The following NTM variants were observed in gnomAD, a reference collection of about 807,000 sequenced individuals.
NTM encodes IgLON family member 2.
Under a neutral mutation model 42.1 loss-of-function variants are expected in NTM, and 13 were observed. The observed-to-expected ratio is 0.31, with a 90% CI of 0.20 to 0.49. The LOEUF is 0.49. Ranked by LOEUF, NTM falls within the 20% of genes least tolerant of loss-of-function variation. The pLI, the probability that NTM is intolerant of heterozygous loss-of-function variation, is 0.99. For synonymous variants in NTM, 187 were observed against 179.2 expected, an observed-to-expected ratio of 1.04 and a Z score of -0.35; for missense variants, 373 against 452.8, an observed-to-expected ratio of 0.82 and a Z score of 1.60.
At chr11:131,813,328 G>A (rs1457980003) in intron 1 of NTM, among the ~76,000 whole-genome samples, 1 of 152,102 alleles carries the variant, frequency 6.6e-6, no homozygotes, top group East Asian at 1.9e-4. Flanking sequence ...TATCTAGTAA[G>A]AACCTACTAA....
chr11:132,194,385 T>A (rs2079830031), intron 3 of NTM, among the ~76,000 whole-genome samples: 1 of 152,024 alleles, frequency 6.6e-6, no homozygotes, highest in African/African-American at 2.4e-5. Context: ...TCTCAATAAA[T>A]GCTGAAAAGG....
chr11:132,309,209 C>T (rs889528681), intron 5 of NTM, among the ~76,000 whole-genome samples: 3 of 152,088 alleles, frequency 2.0e-5, no homozygotes, highest in Admixed American at 2.0e-4. Context: ...TTTCATAATA[C>T]CCTTTAATAT....
chr11:132,111,428 C>A (rs1266834744), intron 2 of NTM, among the ~76,000 whole-genome samples: 4 of 152,066 alleles, frequency 2.6e-5, no homozygotes, highest in African/African-American at 7.2e-5. Flanking sequence ...GATAAGTGAA[C>A]AGAAGGGATC....
At chr11:131,453,154 A>C (rs544881526) in intron 1 of NTM, among the ~76,000 whole-genome samples, 10 of 152,328 alleles carry the variant, frequency 6.6e-5, no homozygotes, top group African/African-American at 2.2e-4. Context: ...GGTTGAGGAC[A>C]GGGATTCAGA....
In NTM at chr11:132,242,380, A is replaced by G. The variant is rs143084977; in HGVS notation, c.526+30233A>G. ...AAGCTTCTCAATTTGTGAAGAAAAA[A>G]TGTTACATTTAGGGGAAAAAAGGGG... On this transcript the variant is annotated intron_variant, in intron 4 of 8. Coordinates refer to ENST00000683400, the MANE Select transcript of NTM (RefSeq NM_001352005.2). 4.0e-3 allele frequency among the ~76,000 whole-genome samples: 602 copies of G among 152,320 alleles called. 20 individuals carry two copies. The highest frequency in any genetic ancestry group is 0.034 in the Admixed American group (523 of 15,296).
chr11:132,317,406 T>C (rs1329772227), intron 7 of NTM, among the ~76,000 whole-genome samples: 1 of 152,142 alleles, frequency 6.6e-6, no homozygotes, highest in Admixed American at 6.6e-5. Flanking sequence ...CACCAGAATA[T>C]GTATGGCGTA....
At chr11:131,808,969 C>T (rs1357626292) in intron 1 of NTM, among the ~76,000 whole-genome samples, 1 of 152,216 alleles carries the variant, frequency 6.6e-6, no homozygotes, top group Non-Finnish European at 1.5e-5. Flanking sequence ...ATCACACCTA[C>T]CTAGCAATGC....
intron 1 of NTM, among the ~76,000 whole-genome samples, chr11:131,848,606 A>G (rs1282938654): frequency 6.6e-6 from 1 of 152,206 alleles, no homozygotes; most frequent in Non-Finnish European, 1.5e-5. Flanking sequence ...ACCTTTGATG[A>G]TGGCATTAAA....
intron 3 of NTM, among the ~76,000 whole-genome samples, chr11:132,192,740 G>A (rs2079513170): frequency 6.6e-6 from 1 of 152,118 alleles, no homozygotes; most frequent in Non-Finnish European, 1.5e-5. Context: ...CCAACAGTCT[G>A]CTGCCGTTGA....
chr11:131,438,569 G>A (rs1349316645), intron 1 of NTM, among the ~76,000 whole-genome samples: 2 of 152,098 alleles, frequency 1.3e-5, no homozygotes, highest in Non-Finnish European at 2.9e-5. Flanking sequence ...CCACTTGATC[G>A]AATCGGCTGT....
chr11:131,615,669 CGTAG>C (rs920272700), intron 1 of NTM, among the ~76,000 whole-genome samples: 1 of 152,154 alleles, frequency 6.6e-6, no homozygotes, highest in African/African-American at 2.4e-5. Context: ...CGCACCCGGC[CGTAG>C]CAAGTTCTTA....
chr11:131,615,108 T>G (rs2061794958), intron 1 of NTM, among the ~76,000 whole-genome samples: 1 of 152,190 alleles, frequency 6.6e-6, no homozygotes, highest in African/African-American at 2.4e-5. Flanking sequence ...TATTCTATCT[T>G]AATCAAGGCA....
chr11:132,281,814 A>G (rs2093980320), intron 4 of NTM, among the ~76,000 whole-genome samples: 1 of 152,238 alleles, frequency 6.6e-6, no homozygotes, highest in Admixed American at 6.5e-5. Context: ...AGTTATGAGT[A>G]CTATCAAAAA....
At chr11:132,169,320 C>CTTTTTTTTTT (rs567723794) in intron 3 of NTM, among the ~76,000 whole-genome samples, 503 of 32,384 alleles carry the variant, frequency 0.016, 176 homozygotes, top group Non-Finnish European at 0.02. Flanking sequence ...AATTTTTTTA[C>CTTTTTTTTTT]TTTTTTTTTT....
rs140797898 is a variant in NTM at position 131,982,316 on chromosome 11, C to T, written c.167+70668C>T. On this transcript the variant is annotated intron_variant, in intron 2 of 8. Coordinates refer to ENST00000683400, the MANE Select transcript of NTM (RefSeq NM_001352005.2). ...TCCCCAGTGTGGGGTTTCTTTGTTA[C>T]GAAGATCAAGAGAAGGCATAGGGAA... Among the ~76,000 whole-genome samples, 43 of 151,568 alleles carry T rather than the reference C, an allele frequency of 2.8e-4. 1 individual carries two copies. The highest frequency in any genetic ancestry group is 9.8e-4 in the Admixed American group (15 of 15,236).
intron 1 of NTM, among the ~76,000 whole-genome samples, chr11:131,634,379 G>C (rs2064099738): frequency 7.4e-6 from 1 of 134,614 alleles, no homozygotes; most frequent in South Asian, 2.5e-4. Flanking sequence ...CTGCTCAGAG[G>C]AAATTTCAAG....
intron 4 of NTM, among the ~76,000 whole-genome samples, chr11:132,286,462 C>G (rs1277458762): frequency 6.6e-6 from 1 of 152,154 alleles, no homozygotes; most frequent in Non-Finnish European, 1.5e-5. Flanking sequence ...CACAGAAGCA[C>G]CATTTAGGTA....
chr11:131,612,087 A>C lies in NTM; in HGVS notation c.82+241199A>C, dbSNP rs1414841133. 2.0e-5 allele frequency among the ~76,000 whole-genome samples: 3 copies of C among 152,336 alleles called. No homozygotes were observed. The East Asian group carries it at 5.8e-4, about 29-fold the overall frequency. ...GCCACCACATCCTAAGGGGAAAGCCAGCCACCACATCCTAAGGACATTTGA... is the reference window on the plus strand; with the variant it reads ...GCCACCACATCCTAAGGGGAAAGCCCGCCACCACATCCTAAGGACATTTGA... On this transcript the variant is annotated intron_variant, in intron 1 of 8. Transcript: ENST00000683400.
intron 1 of NTM, among the ~76,000 whole-genome samples, chr11:131,635,325 T>C (rs1367034165): frequency 1.3e-5 from 2 of 152,118 alleles, no homozygotes; most frequent in African/African-American, 4.8e-5. Flanking sequence ...AACCTTCCAG[T>C]GGGATGAGAC....
Sources: allele counts gnomAD v4.1 joint callset (sites outside exome capture counted in the v4.1 genomes callset), GRCh38; gene constraint gnomAD v4.1.1; transcripts MANE v1.5; gene names NCBI Gene and HGNC (gene_info 2026-07-23, HGNC 2026-07-21).